The following VAC14 variants were observed in gnomAD, a reference collection of about 807,000 sequenced individuals.
VAC14 encodes VAC14 component of PIKFYVE complex, also known as protein VAC14 homolog.
A neutral mutation model predicts 85.3 loss-of-function variants in VAC14; 47 were observed. The ratio of observed to expected loss-of-function variants is 0.55; its 90% CI spans 0.44 to 0.70. The LOEUF (loss-of-function observed/expected upper bound fraction) is 0.70, where lower values mean the gene tolerates loss of function less well. VAC14 is among the 30% of genes least tolerant of loss of function. The pLI is 0.00. For synonymous variants in VAC14, 447 were observed against 430.5 expected, an observed-to-expected ratio of 1.04 and a Z score of -0.47; for missense variants, 861 against 1,004.3, an observed-to-expected ratio of 0.86 and a Z score of 1.93.
Position 70,762,862 on chromosome 16 carries a change from G to A in VAC14, c.1305+19C>T, listed in dbSNP as rs749070031. 1 of 1,614,124 alleles carries A rather than the reference G, an allele frequency of 6.2e-7. No homozygotes were observed. The highest frequency in any genetic ancestry group is 8.5e-7 in the Non-Finnish European group (1 of 1,180,000). On this transcript the variant is annotated intron_variant, in intron 11 of 18. Transcript: ENST00000261776. This position sits in a 1 kb window ranked among gnomAD's most constrained non-coding sequence, Gnocchi z 4.1. Reference sequence around the variant, plus strand: ...CGGACCCAGAAGAGGCCCCTGGCTTGGAGGGGCCCAGGGCTCACCTTCCGA... The same window carrying A: ...CGGACCCAGAAGAGGCCCCTGGCTTAGAGGGGCCCAGGGCTCACCTTCCGA...
chr16:70,711,462 G>C (rs1195017635), intron 14 of VAC14, among the ~76,000 whole-genome samples: 1 of 151,756 alleles, frequency 6.6e-6, no homozygotes, highest in Non-Finnish European at 1.5e-5. Context: ...GTTTCTGCTT[G>C]GCATTTCACT....
intron 14 of VAC14, among the ~76,000 whole-genome samples, chr16:70,710,802 C>T (rs1023751313): frequency 3.9e-5 from 6 of 152,232 alleles, no homozygotes; most frequent in Admixed American, 1.3e-4. Flanking sequence ...GCCATAGCCC[C>T]GTGTCAACAT....
At chr16:70,704,760 C>T (rs1169114990) in intron 14 of VAC14, among the ~76,000 whole-genome samples, 1 of 152,226 alleles carries the variant, frequency 6.6e-6, no homozygotes, top group Non-Finnish European at 1.5e-5. Context: ...TGGGGAATGG[C>T]TCCTTCGCCA....
Position 70,753,040 on chromosome 16 carries a change from G to GTGTT in VAC14, c.1372-8462_1372-8461insAACA, listed in dbSNP as rs1297087487. Among the ~76,000 whole-genome samples the GTGTT allele has an allele frequency of 2.3e-4, 35 of 152,104 alleles. 1 individual carries two copies. The highest frequency in any genetic ancestry group is 6.3e-4 in the African/African-American group (26 of 41,458). ...TGTGTGTGTGTGTGTGTGTGTGTGT[G>GTGTT]TGTGTGTCAGACAGATGGACAGATA... On this transcript the variant is annotated intron_variant, in intron 12 of 18. Coordinates refer to ENST00000261776, the MANE Select transcript of VAC14 (RefSeq NM_018052.5).
intron 12 of VAC14, among the ~76,000 whole-genome samples, chr16:70,750,021 C>A (rs1338004741): frequency 1.3e-5 from 2 of 152,224 alleles, no homozygotes; most frequent in Non-Finnish European, 2.9e-5. Flanking sequence ...AGTTTTGGTG[C>A]TCTAGCCACC....
intron 10 of VAC14, among the ~76,000 whole-genome samples, chr16:70,764,056 C>T (rs2032619193): frequency 3.3e-5 from 5 of 152,176 alleles, no homozygotes; most frequent in Admixed American, 2.6e-4. Flanking sequence ...GGTATAAAAC[C>T]GTCTCTTCGT....
chr16:70,731,273 A>C, intron 14 of VAC14: 1 of 1,313,816 alleles, frequency 7.6e-7, no homozygotes, highest in East Asian at 2.8e-5. Flanking sequence ...AAATGAATTC[A>C]GTTGTGCGGA....
In VAC14 at chr16:70,687,696, G is replaced by T; in HGVS notation, c.*232C>A. The T allele has an allele frequency of 2.5e-6, 1 of 406,156 alleles. No individual in the cohort carries two copies. Among genetic ancestry groups the T allele is most frequent in the East Asian group, 3.7e-5 (1 of 26,770 alleles). The allele number at this position is 406,156 out of a possible 1,614,324, so 25.2% of individuals were successfully genotyped here. A position where few individuals can be genotyped will look rare whatever the true frequency, so the allele number is the denominator to read the frequency against. ...CTGAGGCTATAGCCCCCCACTGGGT[G>T]GGCAGCCAGCTCTGTGAGAATGCCA... On this transcript the variant is annotated 3_prime_UTR_variant, in exon 19 of 19. Coordinates refer to ENST00000261776, the MANE Select transcript of VAC14 (RefSeq NM_018052.5).
intron 12 of VAC14, among the ~76,000 whole-genome samples, chr16:70,757,420 G>A (rs947051020): frequency 1.3e-5 from 2 of 152,206 alleles, no homozygotes. Flanking sequence ...AGCTCATGCT[G>A]AATGCAGCCT....
chr16:70,731,434 C>T (rs753554929), intron 14 of VAC14, 61 bp downstream of exon 14: 10 of 1,578,714 alleles, frequency 6.3e-6, no homozygotes, highest in South Asian at 2.3e-5. Flanking sequence ...ACTTGAATGG[C>T]GTGAAAGTGA....
At chr16:70,781,013 TC>T (rs2033786084) in intron 8 of VAC14, 74 bp from the exon 9 acceptor site, 1 of 1,585,678 alleles carries the variant, frequency 6.3e-7, no homozygotes, top group Admixed American at 1.8e-5. Flanking sequence ...GAAATGTGAT[TC>T]CCAGTGTTGG....
intron 9 of VAC14, among the ~76,000 whole-genome samples, chr16:70,780,018 ATTT>A (rs368861697): frequency 3.6e-5 from 4 of 111,868 alleles, no homozygotes; most frequent in Admixed American, 9.0e-5. Context: ...AATTTTTGTA[ATTT>A]TTTTTTTTTT....
chr16:70,718,211 C>T (rs986461311), intron 14 of VAC14, among the ~76,000 whole-genome samples: 1 of 152,172 alleles, frequency 6.6e-6, no homozygotes, highest in African/African-American at 2.4e-5. Context: ...CCATATGCTT[C>T]GTCACTCAGT....
At chr16:70,759,847 A>G (rs1302113536) in intron 12 of VAC14, among the ~76,000 whole-genome samples, 1 of 152,092 alleles carries the variant, frequency 6.6e-6, no homozygotes, top group Admixed American at 6.5e-5. Context: ...CCTGGTGAGG[A>G]AGCGATTAAG....
chr16:70,731,374 G>C, intron 14 of VAC14, 121 bp downstream of exon 14: 1 of 1,510,424 alleles, frequency 6.6e-7, no homozygotes, highest in South Asian at 1.4e-5. Context: ...CAGATCCAAA[G>C]GTCAGGAAAA....
intron 12 of VAC14, chr16:70,761,016 T>TGTGTGTGTGTGTGTGTGCGC (rs1413571677): frequency 3.3e-6 from 1 of 300,870 alleles, no homozygotes; most frequent in African/African-American, 4.2e-5. Context: ...TGTGTGTGTG[T>TGTGTGTGTGTGTGTGTGCGC]GTGCATGGGG....
intron 14 of VAC14, among the ~76,000 whole-genome samples, chr16:70,717,581 A>G (rs1356137539): frequency 1.3e-5 from 2 of 152,216 alleles, no homozygotes; most frequent in African/African-American, 4.8e-5. Flanking sequence ...ACTGCACAGA[A>G]CTGGACAAGA....
At chr16:70,736,480 A>G (rs548547066) in intron 13 of VAC14, among the ~76,000 whole-genome samples, 13 of 151,904 alleles carry the variant, frequency 8.6e-5, no homozygotes, top group Non-Finnish European at 1.6e-4. Context: ...GCCACCTGTG[A>G]CCCCCACACA....
chr16:70,761,389 C>T (rs777654745), intron 12 of VAC14: 12 of 203,130 alleles, frequency 5.9e-5, no homozygotes, highest in Admixed American at 1.8e-4. Flanking sequence ...AGTGCCTTGG[C>T]GCTCAGAAGA....
Sources: allele counts gnomAD v4.1 joint callset (sites outside exome capture counted in the v4.1 genomes callset), GRCh38; gene constraint gnomAD v4.1.1; non-coding constraint Gnocchi (gnomAD v3.1); transcripts MANE v1.5; gene names NCBI Gene and HGNC (gene_info 2026-07-23, HGNC 2026-07-21).